Variants in NFAT5 observed in about 807,000 individuals in gnomAD.
NFAT5 encodes the protein nuclear factor of activated T cells 5, also known as nuclear factor of activated T-cells 5.
In NFAT5, 31 loss-of-function variants were observed where a neutral mutation model predicts 166.5. That is an observed-to-expected ratio of 0.19 (90% CI 0.14 to 0.25). The LOEUF is 0.25. NFAT5 is among the 10% of genes least tolerant of loss of function. NFAT5 has a pLI of 1.00. For synonymous variants in NFAT5, 612 were observed against 639.7 expected, an observed-to-expected ratio of 0.96 and a Z score of 0.65; for missense variants, 1,449 against 1,821.8, an observed-to-expected ratio of 0.80 and a Z score of 3.72.
rs1399631800 is a variant in NFAT5 at position 69,678,942 on chromosome 16, T to C, written c.1690+1607T>C. 2.0e-5 allele frequency among the ~76,000 whole-genome samples: 3 copies of C among 152,146 alleles called. No homozygotes were observed. In the South Asian group the frequency reaches 6.2e-4, roughly 31 times the overall value. The stretch of plus-strand genomic sequence containing the variant: ...TTTCTATTCACTATTCTCTTTTCTT[T>C]TCTTTTCTTTTTGAGATGGAGTCTT... On this transcript the variant is annotated intron_variant, in intron 10 of 14. Transcript: ENST00000349945.
intron 2 of NFAT5, among the ~76,000 whole-genome samples, chr16:69,624,883 C>A (rs946973538): frequency 1.7e-4 from 25 of 150,382 alleles, no homozygotes; most frequent in Admixed American, 8.0e-4. Context: ...ACGCGATATG[C>A]CTCTAATTGT....
Position 69,659,777 on chromosome 16 carries a change from G to A in NFAT5, c.1247G>A (p.Arg416Lys). The A allele has an allele frequency of 6.2e-7, 1 of 1,614,010 alleles. No homozygotes were observed. The highest frequency in any genetic ancestry group is 8.5e-7 in the Non-Finnish European group (1 of 1,179,970). The change falls in exon 7 of 15, where the codon AGA becomes AAA. Residue 416 changes from arginine (R) to lysine (K), a missense_variant. This residue lies in a region of NFAT5 where 245 missense variants were observed against 366.6 expected (regional missense o/e 0.67). Transcript: ENST00000349945. Reference sequence around the variant, plus strand: ...TTGAGGAATGCTGATGTCGAAGCCAGAATAGGAATTGCTGGTTCCAAGAAG... The same window carrying A: ...TTGAGGAATGCTGATGTCGAAGCCAAAATAGGAATTGCTGGTTCCAAGAAG... ...LKLRNADVEA[R>K]IGIAGSKKKS...
chr16:69,621,210 T>C (rs890078651), intron 2 of NFAT5, among the ~76,000 whole-genome samples: 31 of 152,118 alleles, frequency 2.0e-4, no homozygotes, highest in African/African-American at 7.0e-4. Context: ...CTGCTTGTTC[T>C]TGTCTAATTC....
chr16:69,576,307 A>G (rs2016747510), intron 2 of NFAT5, among the ~76,000 whole-genome samples: 1 of 151,710 alleles, frequency 6.6e-6, no homozygotes, highest in Non-Finnish European at 1.5e-5. Flanking sequence ...AAAAAAAAAA[A>G]AAAAGAACGT....
rs2036573840 is a variant in NFAT5, at chr16:69,670,293, A to T, written c.1557+5A>T. On this transcript the variant is annotated splice_donor_5th_base_variant and intron_variant, in intron 9 of 14. Coordinates refer to ENST00000349945, the MANE Select transcript of NFAT5 (RefSeq NM_138713.4). ...GATATGGAACTATTTCATCAGGTAAAATTTAAGCTTTTTTTATAATTTGGT... is the reference window on the plus strand; with the variant it reads ...GATATGGAACTATTTCATCAGGTAATATTTAAGCTTTTTTTATAATTTGGT... 1 of 1,527,740 alleles carries T rather than the reference A, an allele frequency of 6.5e-7. No homozygotes were observed. Among genetic ancestry groups the T allele is most frequent in the South Asian group, 1.2e-5 (1 of 83,490 alleles). 94.6% of individuals were successfully genotyped at this position (1,527,740 alleles called of 1,614,324 possible).
At chr16:69,658,986 A>G (rs1263848758) in intron 6 of NFAT5, among the ~76,000 whole-genome samples, 1 of 152,170 alleles carries the variant, frequency 6.6e-6, no homozygotes, top group Non-Finnish European at 1.5e-5. Flanking sequence ...CATTTTTCAC[A>G]TATCATTCAA....
intron 2 of NFAT5, among the ~76,000 whole-genome samples, chr16:69,602,862 C>G (rs1414216825): frequency 6.6e-6 from 1 of 151,950 alleles, no homozygotes; most frequent in Non-Finnish European, 1.5e-5. Context: ...CCACCCACCT[C>G]AGCCTCACAA....
At chr16:69,660,044 G>A (rs1302562177) in intron 7 of NFAT5, 145 bp downstream of exon 7, 1 of 666,638 alleles carries the variant, frequency 1.5e-6, no homozygotes, top group East Asian at 2.9e-5. Context: ...GCAGTAGTCA[G>A]ATTTTCTAGA....
At chr16:69,682,470 C>T (rs2037111379) in intron 10 of NFAT5, among the ~76,000 whole-genome samples, 1 of 148,920 alleles carries the variant, frequency 6.7e-6, no homozygotes, top group African/African-American at 2.5e-5. Context: ...AAAAATAATA[C>T]TAAGCTGAGC....
rs138191641 is a variant in NFAT5, at chr16:69,631,570, T to C, written c.253+5042T>C. ...ATATTTTGGTTTCAGTAATTATATA[T>C]TAATACTCTTTTTAGAAGTAACAGT... On this transcript the variant is annotated intron_variant, in intron 3 of 14. Coordinates refer to ENST00000349945, the MANE Select transcript of NFAT5 (RefSeq NM_138713.4). 2.5e-3 allele frequency among the ~76,000 whole-genome samples: 384 copies of C among 152,286 alleles called. 2 individuals are homozygous for C. Among genetic ancestry groups the C allele is most frequent in the African/African-American group, 8.6e-3 (358 of 41,570 alleles).
rs758471464 is a variant in NFAT5 at position 69,693,503 on chromosome 16, A to G, written c.3678A>G (p.Leu1226=). 1.1e-5 allele frequency: 17 copies of G among 1,614,036 alleles called. No individual in the cohort carries two copies. The highest frequency in any genetic ancestry group is 3.3e-5 in the Admixed American group (2 of 59,998). ...AGGCACAACCCCCGCAGCAGGGTTT[A>G]TTTCAGCCTCAGGTGGCCCTGGGCT... ...QEQAQPPQQG[L]FQPQVALGSL... The change falls in exon 13 of 15, where the codon TTA becomes TTG. Residue 1226 remains leucine, a synonymous_variant. Coordinates refer to ENST00000349945, the MANE Select transcript of NFAT5 (RefSeq NM_138713.4).
At position 69,568,376 on chromosome 16, in the gene NFAT5, G is replaced by GTGTGTGTGTGTGTA. The variant is rs1163472084; in HGVS notation, c.74-118_74-117insGTGTGTGTGTGTAT. The stretch of plus-strand genomic sequence containing the variant: ...TGTGTGTGTGTGTGTGTGTGTGTGT[G>GTGTGTGTGTGTGTA]TATATATATATATATATACACACAC... On this transcript the variant is annotated intron_variant, in intron 1 of 14. Coordinates refer to ENST00000349945, the MANE Select transcript of NFAT5 (RefSeq NM_138713.4). The GTGTGTGTGTGTGTA allele has an allele frequency of 6.2e-5, 18 of 288,678 alleles. 1 individual carries two copies. The highest frequency in any genetic ancestry group is 6.1e-4 in the South Asian group (15 of 24,736). The allele number at this position is 288,678 out of a possible 1,614,324, so 17.9% of individuals were successfully genotyped here.
chr16:69,584,206 A>T (rs1265974221), intron 2 of NFAT5, among the ~76,000 whole-genome samples: 1 of 152,156 alleles, frequency 6.6e-6, no homozygotes, highest in Non-Finnish European at 1.5e-5. Flanking sequence ...AGCCTGGGAG[A>T]TACAGCAAGA....
chr16:69,677,402 A>G, intron 10 of NFAT5, 67 bp downstream of exon 10: 1 of 1,374,842 alleles, frequency 7.3e-7, no homozygotes, highest in Non-Finnish European at 9.8e-7. Flanking sequence ...AAAGAATATG[A>G]AGATGACTAG....
chr16:69,691,805 A>G lies in NFAT5; in HGVS notation c.1980A>G (p.Ala660=), dbSNP rs1315267482. 1 of 1,614,174 alleles carries G rather than the reference A, an allele frequency of 6.2e-7. No individual in the cohort carries two copies. Among genetic ancestry groups the G allele is most frequent in the Admixed American group, 1.7e-5 (1 of 60,010 alleles). ...CATTAGAAAACATCTCAAACATAGC[A>G]GGAAATGGCTCTTTTTCATCACCAT... ...QQTLENISNI[A]GNGSFSSPSS... Residue 660 remains alanine, a synonymous_variant, in exon 13 of 15, where the codon GCA becomes GCG. Transcript: ENST00000349945.
At chr16:69,616,570 C>A (rs2033953602) in intron 2 of NFAT5, among the ~76,000 whole-genome samples, 1 of 152,084 alleles carries the variant, frequency 6.6e-6, no homozygotes, top group South Asian at 2.1e-4. Flanking sequence ...CTAGGCAGAC[C>A]CCCTGTGCAT....
At chr16:69,675,002 A>G (rs1390953116) in intron 9 of NFAT5, among the ~76,000 whole-genome samples, 1 of 152,176 alleles carries the variant, frequency 6.6e-6, no homozygotes, top group Non-Finnish European at 1.5e-5. Context: ...TTTCTAATTT[A>G]TGAGAGGGTA....
intron 3 of NFAT5, chr16:69,632,716 A>G (rs1255885279): frequency 6.6e-6 from 1 of 152,116 alleles, no homozygotes; most frequent in African/African-American, 2.4e-5. Flanking sequence ...ATATTTCAGA[A>G]TTTTTGCCAC....
rs1179091861 is a variant in NFAT5, at chr16:69,693,189, A to C, written c.3364A>C (p.Thr1122Pro). 1 of 1,613,978 alleles carries C rather than the reference A, an allele frequency of 6.2e-7. No individual in the cohort carries two copies. Among genetic ancestry groups the C allele is most frequent in the Non-Finnish European group, 8.5e-7 (1 of 1,180,022 alleles). The change falls in exon 13 of 15, where the codon ACT (threonine) becomes CCT (proline). Residue 1122 changes from threonine to proline, a missense_variant. Thr to Pro is a conservative substitution (Grantham distance 38). This residue lies in a region of NFAT5 where 891 missense variants were observed against 993.0 expected (regional missense o/e 0.90). Coordinates refer to ENST00000349945, the MANE Select transcript of NFAT5 (RefSeq NM_138713.4). Reference sequence around the variant, plus strand: ...TCCAAATCCTATTGTCCACAGTCAGACTTCTACAACCTCCTCTGAACAAAT... The same window carrying C: ...TCCAAATCCTATTGTCCACAGTCAGCCTTCTACAACCTCCTCTGAACAAAT... ...HSPNPIVHSQ[T>P]STTSSEQMQP... is the part of the protein sequence containing the mutation.
Sources: allele counts gnomAD v4.1 joint callset (sites outside exome capture counted in the v4.1 genomes callset), GRCh38; gene constraint gnomAD v4.1.1; regional missense constraint gnomAD v4.1.1; transcripts MANE v1.5; gene names NCBI Gene and HGNC (gene_info 2026-07-23, HGNC 2026-07-21).